The following COL11A1 variants were observed in gnomAD, a reference collection of about 807,000 sequenced individuals.
The protein encoded by COL11A1 is collagen alpha-1(XI) chain.
Under a neutral mutation model 265.2 loss-of-function variants are expected in COL11A1, and 74 were observed. That is an observed-to-expected ratio of 0.28 (90% CI 0.23 to 0.34). The LOEUF is 0.34. Among genes scored for constraint, COL11A1 ranks in the 10% least tolerant of loss-of-function variants. COL11A1 has a pLI of 1.00. For synonymous variants in COL11A1, 816 were observed against 727.6 expected (o/e 1.12, Z -1.96); for missense variants, 2,165 against 2,263.6 (o/e 0.96, Z 0.88).
At chr1:103,019,695 G>A (rs539396300) in intron 9 of COL11A1, among the ~76,000 whole-genome samples, 12 of 149,798 alleles carry the variant, frequency 8.0e-5, no homozygotes, top group Admixed American at 6.0e-4. Context: ...CCACTAACTC[G>A]TCATCTAGCA....
rs1490261842 is a variant in COL11A1 at position 103,067,037 on chromosome 1, C to T, written c.651+7581G>A. ...ATGCAATACATGCCGCAAAAAATGG[C>T]AAAATGAAAAGGAAGATACCCAATT... On this transcript the variant is annotated intron_variant, in intron 4 of 66. Transcript: ENST00000370096. Among the ~76,000 whole-genome samples the T allele has an allele frequency of 3.3e-5, 5 of 151,218 alleles. No homozygotes were observed. In the East Asian group the frequency reaches 9.7e-4, roughly 29 times the overall value.
intron 10 of COL11A1, among the ~76,000 whole-genome samples, chr1:103,018,232 A>G (rs1413561645): frequency 3.9e-5 from 6 of 152,174 alleles, no homozygotes; most frequent in African/African-American, 2.4e-5. Context: ...TGTAGAAATC[A>G]TTTAGGTTAG....
At chr1:102,948,980 G>C (rs954722272) in intron 41 of COL11A1, among the ~76,000 whole-genome samples, 1 of 151,996 alleles carries the variant, frequency 6.6e-6, no homozygotes, top group Non-Finnish European at 1.5e-5. Context: ...GAAGAAAAAA[G>C]TATAGGAGGT....
chr1:103,032,905 T>G (rs1482361290), intron 4 of COL11A1, among the ~76,000 whole-genome samples: 1 of 152,150 alleles, frequency 6.6e-6, no homozygotes, highest in Admixed American at 6.6e-5. Context: ...ATAAAATCCA[T>G]TCTTTTAAAA....
At chr1:102,893,073 T>G (rs756764995) in intron 57 of COL11A1, among the ~76,000 whole-genome samples, 1 of 152,142 alleles carries the variant, frequency 6.6e-6, no homozygotes, top group African/African-American at 2.4e-5. Context: ...TTGCTCTCCA[T>G]AGTAAAAATT....
intron 35 of COL11A1, among the ~76,000 whole-genome samples, chr1:102,977,721 G>T (rs1367570243): frequency 6.6e-6 from 1 of 152,004 alleles, no homozygotes; most frequent in Non-Finnish European, 1.5e-5. Context: ...TATTATTTAT[G>T]AGCTCAAAAA....
chr1:102,936,660 C>G lies in COL11A1; in HGVS notation c.3439-1547G>C, dbSNP rs1039245279. ...AGAATTGTGTCAACACTTTGAGGACCTTACCCAGGAAATCAATAATTTCCA... is the reference window on the plus strand; with the variant it reads ...AGAATTGTGTCAACACTTTGAGGACGTTACCCAGGAAATCAATAATTTCCA... On this transcript the variant is annotated intron_variant, in intron 44 of 66. Transcript: ENST00000370096. Among the ~76,000 whole-genome samples, 3 of 152,054 alleles carry G rather than the reference C, an allele frequency of 2.0e-5. No homozygotes were observed. The East Asian group carries it at 5.8e-4, about 29-fold the overall frequency.
At chr1:103,005,806 T>C in intron 18 of COL11A1, 32 bp downstream of exon 18, 2 of 1,611,912 alleles carry the variant, frequency 1.2e-6, no homozygotes, top group Non-Finnish European at 1.7e-6. Context: ...TTTATAACAT[T>C]CCCTGGAAAA....
rs1663311706 is a variant in COL11A1, at chr1:102,984,172, C to A, written c.2522G>T (p.Gly841Val). The A allele has an allele frequency of 6.3e-7, 1 of 1,599,998 alleles. No homozygotes were observed. Among genetic ancestry groups the A allele is most frequent in the South Asian group, 1.1e-5 (1 of 89,828 alleles). ...AGEKGKLGVP[G>V]LPGYPGRQGP... Reference sequence around the variant, plus strand: ...TTGTCTTCCTGGATATCCTGGTAATCCTGGAACTCCAAGTTTTCCCTACAG... The same window carrying A: ...TTGTCTTCCTGGATATCCTGGTAATACTGGAACTCCAAGTTTTCCCTACAG... The change falls in exon 31 of 67, where the codon GGA becomes GTA. Residue 841 changes from glycine to valine, a missense_variant. Transcript: ENST00000370096.
chr1:102,984,630 C>A (rs1663361303), intron 30 of COL11A1, among the ~76,000 whole-genome samples: 1 of 151,874 alleles, frequency 6.6e-6, no homozygotes, highest in African/African-American at 2.4e-5. Flanking sequence ...TTCATTTACC[C>A]CAGTCTAAAT....
intron 4 of COL11A1, among the ~76,000 whole-genome samples, chr1:103,060,485 AAAT>A (rs1358281080): frequency 1.3e-5 from 2 of 152,304 alleles, no homozygotes; most frequent in African/African-American, 4.8e-5. Context: ...AGTTTTTTCA[AAAT>A]AATAATAGCA....
chr1:102,917,581 G>A (rs1464444901), intron 49 of COL11A1, among the ~76,000 whole-genome samples: 3 of 151,864 alleles, frequency 2.0e-5, no homozygotes, highest in Non-Finnish European at 4.4e-5. Flanking sequence ...TAACATCACA[G>A]AAAGTTAGAA....
intron 10 of COL11A1, among the ~76,000 whole-genome samples, chr1:103,018,106 G>A (rs1666710412): frequency 6.6e-6 from 1 of 151,996 alleles, no homozygotes; most frequent in African/African-American, 2.4e-5. Flanking sequence ...AGGAAAAACA[G>A]GAAAGAAGAA....
At chr1:103,007,293 A>AG (rs1446373748) in intron 15 of COL11A1, among the ~76,000 whole-genome samples, 1 of 152,204 alleles carries the variant, frequency 6.6e-6, no homozygotes, top group Non-Finnish European at 1.5e-5. Flanking sequence ...TTTCTTCAGT[A>AG]GCAGTACACC....
intron 36 of COL11A1, among the ~76,000 whole-genome samples, chr1:102,971,332 T>G (rs1233863971): frequency 6.6e-6 from 1 of 152,204 alleles, no homozygotes; most frequent in African/African-American, 2.4e-5. Flanking sequence ...TTTTAAATAC[T>G]TAGTAGAAAG....
In COL11A1 at chr1:103,001,989, T is replaced by C; in HGVS notation, c.2098-20A>G. 1 of 1,601,922 alleles carries C rather than the reference T, an allele frequency of 6.2e-7. No homozygotes were observed. Among genetic ancestry groups the C allele is most frequent in the East Asian group, 2.2e-5 (1 of 44,778 alleles). On this transcript the variant is annotated intron_variant, in intron 23 of 66. Coordinates refer to ENST00000370096, the MANE Select transcript of COL11A1 (RefSeq NM_001854.4). ...AAGACCCTATTTTAAAAGAATTTATTTCATATATCAGATATCAAATCACAG... is the reference window on the plus strand; with the variant it reads ...AAGACCCTATTTTAAAAGAATTTATCTCATATATCAGATATCAAATCACAG...
At chr1:102,900,262 C>T (rs1653019667) in intron 54 of COL11A1, among the ~76,000 whole-genome samples, 1 of 151,902 alleles carries the variant, frequency 6.6e-6, no homozygotes, top group African/African-American at 2.4e-5. Context: ...AATCAATATG[C>T]TAATAATAAT....
At chr1:102,899,063 C>G in intron 54 of COL11A1, 69 bp from the exon 55 acceptor site, 1 of 852,558 alleles carries the variant, frequency 1.2e-6, no homozygotes, top group East Asian at 2.9e-5. Context: ...CACTTGTTTA[C>G]AAACACTAAA....
chr1:103,013,409 C>T (rs1358200210), intron 13 of COL11A1, among the ~76,000 whole-genome samples: 1 of 151,720 alleles, frequency 6.6e-6, no homozygotes, highest in African/African-American at 2.4e-5. Context: ...TCAATGACCT[C>T]ATAAAATATT....
Sources: allele counts gnomAD v4.1 joint callset (sites outside exome capture counted in the v4.1 genomes callset), GRCh38; gene constraint gnomAD v4.1.1; transcripts MANE v1.5; gene names NCBI Gene and HGNC (gene_info 2026-07-23, HGNC 2026-07-21).